UBR2: variants seen among roughly 807,000 people sequenced by gnomAD.
The protein encoded by UBR2 is ubiquitin protein ligase E3 component n-recognin 2.
A neutral mutation model predicts 247.9 loss-of-function variants in UBR2; 92 were observed. The ratio of observed to expected loss-of-function variants is 0.37; its 90% CI spans 0.31 to 0.44. The LOEUF (loss-of-function observed/expected upper bound fraction) is 0.44. UBR2 is among the 20% of genes least tolerant of loss of function. UBR2 has a pLI of 1.00. For synonymous variants in UBR2, 672 were observed against 693.5 expected (o/e 0.97, Z 0.49); for missense variants, 1,613 against 2,112.6 (o/e 0.76, Z 4.64).
chr6:42,691,481 T>C lies in UBR2; in HGVS notation c.*308T>C, dbSNP rs1170096730. The C allele has an allele frequency of 2.9e-6, 1 of 345,558 alleles. No individual in the cohort carries two copies. Among genetic ancestry groups the C allele is most frequent in the Non-Finnish European group, 5.4e-6 (1 of 186,046 alleles). 21.4% of individuals were successfully genotyped at this position (345,558 alleles called of 1,614,324 possible). The stretch of plus-strand genomic sequence containing the variant: ...ATAGTCCCAGCCATTATGTGATATT[T>C]CACGTTATTGATGATAGTGAACCGT... On this transcript the variant is annotated 3_prime_UTR_variant, in exon 47 of 47. Transcript: ENST00000372901.
At chr6:42,579,062 A>G (rs1444519958) in intron 2 of UBR2, among the ~76,000 whole-genome samples, 1 of 152,176 alleles carries the variant, frequency 6.6e-6, no homozygotes, top group Non-Finnish European at 1.5e-5. Context: ...CTGTTCTTGC[A>G]TTGCTATAAA....
In UBR2 at chr6:42,691,743, A is replaced by C. The variant is rs1799761506; in HGVS notation, c.*570A>C. On this transcript the variant is annotated 3_prime_UTR_variant, in exon 47 of 47. Coordinates refer to ENST00000372901, the MANE Select transcript of UBR2 (RefSeq NM_001363705.2). Reference sequence around the variant, plus strand: ...GAAGAAGCCCGTGGGGAGAAGGTGGATTCCTGGTGTGCTGGCTGGTTTTTC... The same window carrying C: ...GAAGAAGCCCGTGGGGAGAAGGTGGCTTCCTGGTGTGCTGGCTGGTTTTTC... The C allele has an allele frequency of 1.3e-5, 2 of 149,710 alleles. No homozygotes were observed. Among genetic ancestry groups the C allele is most frequent in the African/African-American group, 4.9e-5 (2 of 40,616 alleles). 9.3% of individuals were successfully genotyped at this position (149,710 alleles called of 1,614,324 possible).
rs112793532 is a variant in UBR2 at position 42,597,600 on chromosome 6, A to T, written c.531+3296A>T. ...GCGACAGAGTGAGACTCTGTCTCCA[A>T]AAAAAAAAAAAAGTTTAAGAGAAAT... On this transcript the variant is annotated intron_variant, in intron 4 of 46. Coordinates refer to ENST00000372901, the MANE Select transcript of UBR2 (RefSeq NM_001363705.2). 8.2e-3 allele frequency among the ~76,000 whole-genome samples: 1,208 copies of T among 147,642 alleles called. 14 individuals carry two copies. Among genetic ancestry groups the T allele is most frequent in the African/African-American group, 0.029 (1,174 of 40,524 alleles).
chr6:42,683,870 A>G (rs532845324), intron 43 of UBR2, among the ~76,000 whole-genome samples: 4 of 152,344 alleles, frequency 2.6e-5, no homozygotes, highest in African/African-American at 7.2e-5. Flanking sequence ...TTCAAAACCC[A>G]AAGCACTTCT....
intron 16 of UBR2, among the ~76,000 whole-genome samples, chr6:42,640,881 AC>A (rs1796401922): frequency 6.6e-6 from 1 of 151,686 alleles, no homozygotes; most frequent in South Asian, 2.1e-4. Flanking sequence ...GGTGCCTGCC[AC>A]CACTCCCAGC....
intron 4 of UBR2, among the ~76,000 whole-genome samples, chr6:42,600,043 C>T (rs1448410069): frequency 6.6e-6 from 1 of 152,114 alleles, no homozygotes; most frequent in African/African-American, 2.4e-5. Context: ...GTTTTGATGA[C>T]TGCAGCCTCT....
chr6:42,637,238 A>C, intron 15 of UBR2, 44 bp downstream of exon 15: 1 of 1,574,896 alleles, frequency 6.3e-7, no homozygotes, highest in South Asian at 1.2e-5. Flanking sequence ...TTATCTTTTA[A>C]ATTGTTGTTT....
rs371179281 is a variant in UBR2 at position 42,658,287 on chromosome 6, C to T, written c.3030C>T (p.Pro1010=). 20 of 1,613,468 alleles carry T rather than the reference C, an allele frequency of 1.2e-5. No homozygotes were observed. Among genetic ancestry groups the T allele is most frequent in the East Asian group, 2.2e-5 (1 of 44,856 alleles). Residue 1010 remains proline, a synonymous_variant, in exon 28 of 47, where the codon CCC becomes CCT. Transcript: ENST00000372901. Reference sequence around the variant, plus strand: ...TGAGGGAGAGTTCACCTACCAGTCCCGTGGCAGAGACAGAAGGAACCATAA... The same window carrying T: ...TGAGGGAGAGTTCACCTACCAGTCCTGTGGCAGAGACAGAAGGAACCATAA... The part of the protein sequence containing the change: ...KKMRESSPTS[P]VAETEGTIME...
At position 42,631,891 on chromosome 6, in the gene UBR2, A is replaced by ATATATATATATATATAT. The variant is rs752152787; in HGVS notation, c.1282-661_1282-660insTATATATATATATATAT. Among the ~76,000 whole-genome samples the ATATATATATATATATAT allele has an allele frequency of 4.1e-3, 465 of 113,844 alleles. 29 individuals are homozygous for ATATATATATATATATAT. Among genetic ancestry groups the ATATATATATATATATAT allele is most frequent in the South Asian group, 6.2e-3 (23 of 3,722 alleles). The allele number at this position is 113,844 out of a possible 152,430, so 74.7% of individuals were successfully genotyped here. On this transcript the variant is annotated intron_variant, in intron 11 of 46. Transcript: ENST00000372901. Reference sequence around the variant, plus strand: ...ATATATATATATATATATATATATAAATACAGGTTCTGTAATTATATATAT... The same window carrying ATATATATATATATATAT: ...ATATATATATATATATATATATATAATATATATATATATATATATACAGGTTCTGTAATTATATATAT...
Position 42,659,955 on chromosome 6 carries a change from T to C in UBR2, c.3442+100T>C. 8.9e-7 allele frequency: 1 copy of C among 1,126,972 alleles called. No homozygotes were observed. The highest frequency in any genetic ancestry group is 2.2e-5 in the Admixed American group (1 of 46,440). The allele number at this position is 1,126,972 out of a possible 1,614,324, so 69.8% of individuals were successfully genotyped here. On this transcript the variant is annotated intron_variant, in intron 30 of 46. Coordinates refer to ENST00000372901, the MANE Select transcript of UBR2 (RefSeq NM_001363705.2). This position sits in a 1 kb window ranked among gnomAD's most constrained non-coding sequence, Gnocchi z 4.3. ...TTTTTTAAACCTAAAAATAACTCCATGGACTTGGATGGTATCTTTGGCAGG... is the reference window on the plus strand; with the variant it reads ...TTTTTTAAACCTAAAAATAACTCCACGGACTTGGATGGTATCTTTGGCAGG...
At chr6:42,663,482 TAAATC>T in intron 32 of UBR2, 63 bp downstream of exon 32, 2 of 1,482,908 alleles carry the variant, frequency 1.3e-6, no homozygotes, top group Non-Finnish European at 1.8e-6. Context: ...AATGAAATAA[TAAATC>T]AAGGAGGAAA....
At chr6:42,602,410 G>A (rs1224084197) in intron 4 of UBR2, among the ~76,000 whole-genome samples, 4 of 151,564 alleles carry the variant, frequency 2.6e-5, no homozygotes, top group Non-Finnish European at 2.9e-5. Flanking sequence ...CACTGTGTCA[G>A]CCAGGATGGT....
At chr6:42,581,037 A>T (rs1582443970) in intron 2 of UBR2, among the ~76,000 whole-genome samples, 1 of 73,362 alleles carries the variant, frequency 1.4e-5, no homozygotes. Flanking sequence ...TTTTTGAGAC[A>T]GGGTTTTGCT....
intron 9 of UBR2, 94 bp downstream of exon 9, chr6:42,615,272 T>C (rs894687707): frequency 3.9e-5 from 35 of 898,614 alleles, no homozygotes; most frequent in Non-Finnish European, 5.4e-5. Flanking sequence ...ATTTAATACA[T>C]ATATTTGTGC....
chr6:42,623,030 C>T (rs932683752), intron 11 of UBR2, among the ~76,000 whole-genome samples: 2 of 152,042 alleles, frequency 1.3e-5, no homozygotes, highest in African/African-American at 4.8e-5. Context: ...TCATGAATAA[C>T]AGCAGTTTTA....
chr6:42,637,358 A>G (rs771616900), intron 15 of UBR2, among the ~76,000 whole-genome samples, 164 bp downstream of exon 15: 34 of 152,198 alleles, frequency 2.2e-4, no homozygotes, highest in Non-Finnish European at 4.0e-4. Flanking sequence ...ATTATTATTA[A>G]GCTTGCTTCA....
At chr6:42,587,195 A>G (rs1227949801) in intron 2 of UBR2, among the ~76,000 whole-genome samples, 2 of 152,216 alleles carry the variant, frequency 1.3e-5, no homozygotes, top group Non-Finnish European at 2.9e-5. Context: ...TATTAAGAAA[A>G]GACAGGAAAA....
chr6:42,621,314 T>C (rs1414740805), intron 11 of UBR2, among the ~76,000 whole-genome samples: 3 of 152,222 alleles, frequency 2.0e-5, no homozygotes, highest in Non-Finnish European at 4.4e-5. Context: ...ACCTTTGTCA[T>C]AAATCAAGAC....
At chr6:42,574,606 G>C (rs1562275579) in intron 2 of UBR2, among the ~76,000 whole-genome samples, 1 of 152,056 alleles carries the variant, frequency 6.6e-6, no homozygotes, top group Middle Eastern at 3.4e-3. Context: ...AGAAGATGGA[G>C]AATAAAGTGC....
Sources: allele counts gnomAD v4.1 joint callset (sites outside exome capture counted in the v4.1 genomes callset), GRCh38; gene constraint gnomAD v4.1.1; non-coding constraint Gnocchi (gnomAD v3.1); transcripts MANE v1.5; gene names NCBI Gene and HGNC (gene_info 2026-07-23, HGNC 2026-07-21).